The following NDEL1 variants were observed in gnomAD, a reference collection of about 807,000 sequenced individuals.
NDEL1 encodes the protein nuclear distribution protein nudE-like 1.
In NDEL1, 9 loss-of-function variants were observed where a neutral mutation model predicts 45.7. The observed-to-expected ratio is 0.20, with a 90% CI of 0.12 to 0.34. NDEL1 has a LOEUF of 0.34. Ranked by LOEUF, NDEL1 falls within the 10% of genes least tolerant of loss-of-function variation. The pLI, the probability that NDEL1 is intolerant of heterozygous loss-of-function variation, is 1.00. For synonymous variants in NDEL1, 133 were observed against 158.6 expected, an observed-to-expected ratio of 0.84 and a Z score of 1.21; for missense variants, 306 against 406.2, an observed-to-expected ratio of 0.75 and a Z score of 2.12.
downstream of NDEL1, among the ~76,000 whole-genome samples, chr17:8,472,750 C>T (rs1445339943): frequency 6.7e-6 from 1 of 149,126 alleles, no homozygotes; most frequent in Non-Finnish European, 1.5e-5. Flanking sequence ...ATAAAAACAA[C>T]AACAAAAACT....
At chr17:8,428,973 T>A (rs1908936744) in intron 1 of NDEL1, among the ~76,000 whole-genome samples, 1 of 152,212 alleles carries the variant, frequency 6.6e-6, no homozygotes, top group Admixed American at 6.5e-5. Context: ...GCGCCCGGCC[T>A]ATTTTTAAGA....
At chr17:8,473,434 G>A (rs1041709092) in intron 3 of NDEL1, among the ~76,000 whole-genome samples, 2 of 152,168 alleles carry the variant, frequency 1.3e-5, no homozygotes, top group Non-Finnish European at 2.9e-5. Context: ...TGATCCACCT[G>A]CTTTGGCCTC....
Position 8,416,185 on chromosome 17 carries a change from C to T in NDEL1, c.-13+2916C>T, listed in dbSNP as rs112450650. ...TCTGTACCCATTAAGCACTGAATCC[C>T]CATTTTCCCCTCCCTCCCAGGCCCT... On this transcript the variant is annotated intron_variant, in intron 1 of 4. Transcript: ENST00000582812. 9.4e-4 allele frequency among the ~76,000 whole-genome samples: 143 copies of T among 152,306 alleles called. 1 individual carries two copies. Among genetic ancestry groups the T allele is most frequent in the African/African-American group, 3.3e-3 (136 of 41,560 alleles).
At position 8,444,354 on chromosome 17, in the gene NDEL1, A is replaced by G. The variant is rs752213050; in HGVS notation, c.83A>G (p.Gln28Arg). ...YWKELSLKYK[Q>R]SFQEARDELV... ...AAGGAACTTTCCTTGAAGTATAAGC[A>G]AAGGTAATGTTGGAAAGCACACTAA... is the stretch of plus-strand genomic sequence containing the variant. The change falls in exon 2 of 9, where the codon CAA becomes CGA. Residue 28 changes from glutamine (Q) to arginine (R), a missense_variant. By Grantham distance (43) the Gln-to-Arg change is conservative (BLOSUM62 1). Transcript: ENST00000334527. The G allele has an allele frequency of 6.2e-7, 1 of 1,609,484 alleles. No homozygotes were observed. Among genetic ancestry groups the G allele is most frequent in the Non-Finnish European group, 8.5e-7 (1 of 1,176,430 alleles).
intron 2 of NDEL1, among the ~76,000 whole-genome samples, chr17:8,445,332 G>A (rs1192183374): frequency 6.6e-6 from 1 of 152,160 alleles, no homozygotes; most frequent in Non-Finnish European, 1.5e-5. Flanking sequence ...TACATGCAAC[G>A]ATTCTATTGT....
chr17:8,435,731 G>A (rs945317392), upstream of NDEL1: 1 of 336,168 alleles, frequency 3.0e-6, no homozygotes, highest in South Asian at 2.1e-5. Context: ...GCCTGCGCAA[G>A]AGGACGCCGT....
chr17:8,467,010 C>G lies in NDEL1; in HGVS notation c.1025C>G (p.Pro342Arg). 1 of 1,614,148 alleles carries G rather than the reference C, an allele frequency of 6.2e-7. No homozygotes were observed. The highest frequency in any genetic ancestry group is 8.5e-7 in the Non-Finnish European group (1 of 1,180,028). The part of the protein sequence containing the change: ...SRPSSAPGML[P>R]LSV The stretch of plus-strand genomic sequence containing the variant: ...CCATCGTCAGCGCCGGGTATGCTGC[C>G]TCTCAGTGTGTGAGTGCCTAGCCTC... The change falls in exon 9 of 9, where the codon CCT becomes CGT. Residue 342 changes from proline (P) to arginine (R), a missense_variant. Physicochemically the swap from Pro to Arg is moderately radical, Grantham distance 103. This residue lies in a region of NDEL1 where 175 missense variants were observed against 205.2 expected (regional missense o/e 0.85). Transcript: ENST00000334527. The surrounding 1 kb of genome is among the most constrained non-coding windows in gnomAD (Gnocchi z 6.3).
intron 8 of NDEL1, chr17:8,461,218 T>C (rs896913111): frequency 2.6e-5 from 4 of 152,176 alleles, no homozygotes; most frequent in African/African-American, 7.2e-5. Flanking sequence ...TTATGGCACA[T>C]GTGTAAAGGA....
upstream of NDEL1, among the ~76,000 whole-genome samples, chr17:8,432,347 A>AATATATATATTAT: frequency 5.1e-5 from 3 of 58,452 alleles, no homozygotes; most frequent in Non-Finnish European, 7.6e-5. Flanking sequence ...ATTATATATA[A>AATATATATATTAT]ATATAAATAT....
chr17:8,469,150 T>C (rs950909604), downstream of NDEL1, among the ~76,000 whole-genome samples: 25 of 152,112 alleles, frequency 1.6e-4, no homozygotes, highest in Admixed American at 1.6e-3. Flanking sequence ...ACACTCGCGG[T>C]GGGTGTGTGC....
rs116086729 is a variant in NDEL1 at position 8,463,677 on chromosome 17, G to A, written c.945-3253G>A. On this transcript the variant is annotated intron_variant, in intron 8 of 8. Transcript: ENST00000334527. ...GATGGGGGTTTGAGGTCACTGTCAG[G>A]CCCTGGGATCACCTTTGACTGTCTT... 4.3e-3 allele frequency among the ~76,000 whole-genome samples: 651 copies of A among 152,312 alleles called. 4 individuals carry two copies. The highest frequency in any genetic ancestry group is 0.015 in the African/African-American group (624 of 41,570).
upstream of NDEL1, among the ~76,000 whole-genome samples, chr17:8,432,327 A>G (rs1909022164): frequency 8.8e-6 from 1 of 113,460 alleles, no homozygotes; most frequent in Non-Finnish European, 1.8e-5. Context: ...ATTTATATAT[A>G]AATATATATA....
intron 6 of NDEL1, among the ~76,000 whole-genome samples, chr17:8,452,029 C>T (rs2151726263): frequency 6.6e-6 from 1 of 152,232 alleles, no homozygotes; most frequent in South Asian, 2.1e-4. Flanking sequence ...CTTGTCTTTG[C>T]CTTGTTACGA....
intron 4 of NDEL1, among the ~76,000 whole-genome samples, chr17:8,447,982 C>CGGGGGGGGGGGGGGGGGGGAGGGGGGG (rs34891973): frequency 9.3e-6 from 1 of 107,714 alleles, no homozygotes; most frequent in Admixed American, 1.0e-4. Flanking sequence ...GGGAGGTGGG[C>CGGGGGGGGGGGGGGGGGGGAGGGGGGG]GGGGGGGGGG....
chr17:8,459,541 C>T (rs1184053733), intron 7 of NDEL1, among the ~76,000 whole-genome samples: 6 of 152,156 alleles, frequency 3.9e-5, no homozygotes, highest in African/African-American at 1.4e-4. Context: ...CATCCATTCT[C>T]ATGCAGTAGA....
intron 6 of NDEL1, 57 bp downstream of exon 6, chr17:8,451,010 T>G: frequency 1.3e-6 from 2 of 1,513,450 alleles, no homozygotes; most frequent in Non-Finnish European, 1.8e-6. Flanking sequence ...TTACGGGGGT[T>G]TGTTGCTGAA....
At chr17:8,436,176 C>T (rs8065812) in intron 1 of NDEL1, 131 bp downstream of exon 1, 107,124 of 247,494 alleles carry the variant, frequency 0.43, 23,322 homozygotes, top group South Asian at 0.48. Context: ...GGCCGGGTTC[C>T]GGGGCGGCCA....
downstream of NDEL1, among the ~76,000 whole-genome samples, chr17:8,469,564 C>T (rs960752688): frequency 6.6e-6 from 1 of 152,226 alleles, no homozygotes; most frequent in Non-Finnish European, 1.5e-5. Context: ...AGAGCCTGGG[C>T]TAGGTCCCTG....
At chr17:8,439,186 C>A (rs190370251) in intron 1 of NDEL1, among the ~76,000 whole-genome samples, 66 of 151,202 alleles carry the variant, frequency 4.4e-4, no homozygotes, top group African/African-American at 1.3e-3. Context: ...GTGATCCGCC[C>A]GCCTCGGCCT....
Sources: allele counts gnomAD v4.1 joint callset (sites outside exome capture counted in the v4.1 genomes callset), GRCh38; gene constraint gnomAD v4.1.1; regional missense constraint gnomAD v4.1.1; non-coding constraint Gnocchi (gnomAD v3.1); transcripts MANE v1.5; gene names NCBI Gene and HGNC (gene_info 2026-07-23, HGNC 2026-07-21).